Variants in TMCC1 observed in about 807,000 individuals in gnomAD.
TMCC1 encodes the protein transmembrane and coiled-coil domain family 1.
TMCC1 carries 15 observed loss-of-function variants against 52.4 expected under a neutral mutation model. That is an observed-to-expected ratio of 0.29 (90% confidence interval 0.19 to 0.44). TMCC1 has a LOEUF of 0.44. Among genes scored for constraint, TMCC1 ranks in the 20% least tolerant of loss-of-function variants. TMCC1 has a pLI of 1.00. For missense variants in TMCC1, 503 were observed against 806.0 expected (o/e 0.62, Z 4.55); for synonymous variants, 279 against 301.9 (o/e 0.92, Z 0.79).
chr3:129,738,134 G>T (rs2051134345), intron 4 of TMCC1, among the ~76,000 whole-genome samples: 2 of 151,912 alleles, frequency 1.3e-5, no homozygotes, highest in Admixed American at 6.6e-5. Flanking sequence ...AGCCAAGCGT[G>T]GTGGTGGGCA....
chr3:129,858,456 T>C (rs1469504647), intron 2 of TMCC1, among the ~76,000 whole-genome samples: 1 of 152,158 alleles, frequency 6.6e-6, no homozygotes, highest in East Asian at 1.9e-4. Context: ...CTGCAACCTC[T>C]GCCTCCTGGA....
rs563460929 is a variant in TMCC1, at chr3:129,830,539, G to A, written c.-130-2031C>T. Among the ~76,000 whole-genome samples the A allele has an allele frequency of 3.9e-5, 6 of 152,244 alleles. No individual in the cohort carries two copies. In the East Asian group the frequency reaches 5.8e-4, roughly 15 times the overall value. ...ATCAACTCATCTCTTCTTGCACTGG[G>A]CTATTTAGATCCTGAGAAGATGGGA... On this transcript the variant is annotated intron_variant, in intron 3 of 6. Coordinates refer to ENST00000393238, the MANE Select transcript of TMCC1 (RefSeq NM_001017395.5).
intron 4 of TMCC1, among the ~76,000 whole-genome samples, chr3:129,674,673 T>C (rs1329478754): frequency 6.6e-6 from 1 of 152,194 alleles, no homozygotes; most frequent in Admixed American, 6.6e-5. Flanking sequence ...AGTCGTGATA[T>C]ACTCTGAGTT....
intron 5 of TMCC1, among the ~76,000 whole-genome samples, chr3:129,657,049 T>C (rs2086711237): frequency 6.6e-6 from 1 of 152,222 alleles, no homozygotes; most frequent in South Asian, 2.1e-4. Flanking sequence ...CAGAGACTTT[T>C]TTAAAGCCGC....
intron 4 of TMCC1, among the ~76,000 whole-genome samples, chr3:129,746,462 G>GT (rs978610946): frequency 3.3e-5 from 5 of 151,604 alleles, no homozygotes; most frequent in African/African-American, 9.7e-5. Flanking sequence ...TACAGGTTTA[G>GT]TTTTTTTTAA....
chr3:129,832,211 C>T (rs1240995541), intron 3 of TMCC1, among the ~76,000 whole-genome samples: 1 of 152,066 alleles, frequency 6.6e-6, no homozygotes, highest in Non-Finnish European at 1.5e-5. Context: ...ACTGCATAAG[C>T]CTATCAAATG....
chr3:129,696,005 C>T (rs1560209175), intron 4 of TMCC1, among the ~76,000 whole-genome samples: 1 of 152,178 alleles, frequency 6.6e-6, no homozygotes. Flanking sequence ...TATTTCTCTG[C>T]CATATTTTGA....
chr3:129,733,655 T>C (rs1038504672), intron 4 of TMCC1, among the ~76,000 whole-genome samples: 5 of 152,200 alleles, frequency 3.3e-5, no homozygotes, highest in Admixed American at 1.3e-4. Flanking sequence ...TATTCTTGTA[T>C]AGAATTCCTA....
chr3:129,846,042 A>G (rs1232810728), intron 2 of TMCC1, among the ~76,000 whole-genome samples: 1 of 152,158 alleles, frequency 6.6e-6, no homozygotes, highest in Non-Finnish European at 1.5e-5. Context: ...TCAAAAAAAT[A>G]AAAAGAAAAA....
chr3:129,816,304 T>G (rs1365178629), intron 4 of TMCC1, among the ~76,000 whole-genome samples: 1 of 152,218 alleles, frequency 6.6e-6, no homozygotes, highest in African/African-American at 2.4e-5. Flanking sequence ...GCAAGTGCTA[T>G]TCACAATAGC....
At chr3:129,804,587 A>G (rs545108471) in intron 4 of TMCC1, among the ~76,000 whole-genome samples, 1 of 152,372 alleles carries the variant, frequency 6.6e-6, no homozygotes, top group East Asian at 1.9e-4. Flanking sequence ...AAACTAAATT[A>G]AGTAATACTA....
At chr3:129,843,845 G>T (rs1207441277) in intron 2 of TMCC1, among the ~76,000 whole-genome samples, 1 of 145,056 alleles carries the variant, frequency 6.9e-6, no homozygotes, top group Non-Finnish European at 1.5e-5. Flanking sequence ...AAAAGAGAAG[G>T]GAACATTTCC....
chr3:129,876,680 C>T (rs923393717), intron 2 of TMCC1, among the ~76,000 whole-genome samples: 5 of 151,874 alleles, frequency 3.3e-5, no homozygotes, highest in African/African-American at 9.7e-5. Context: ...AAGGGCTGGG[C>T]GCGGTGGCTC....
chr3:129,694,496 T>A (rs765434598), intron 4 of TMCC1, among the ~76,000 whole-genome samples: 1 of 152,220 alleles, frequency 6.6e-6, no homozygotes, highest in Non-Finnish European at 1.5e-5. Flanking sequence ...ACTTCAGGTA[T>A]TCTTAGTCAC....
intron 3 of TMCC1, among the ~76,000 whole-genome samples, chr3:129,831,873 G>C (rs1382979834): frequency 1.3e-5 from 2 of 151,980 alleles, no homozygotes; most frequent in African/African-American, 4.8e-5. Context: ...TATTTATTTA[G>C]AGACAGGGTC....
chr3:129,685,355 C>T (rs73206244), intron 4 of TMCC1, among the ~76,000 whole-genome samples: 7,389 of 149,926 alleles, frequency 0.049, 279 homozygotes, highest in Non-Finnish European at 0.072. Flanking sequence ...CTCCAGCCTG[C>T]GCAACAGAGT....
intron 4 of TMCC1, among the ~76,000 whole-genome samples, chr3:129,809,224 G>GC (rs2057659890): frequency 7.4e-6 from 1 of 135,640 alleles, no homozygotes; most frequent in South Asian, 2.4e-4. Flanking sequence ...TCCAGCCTAG[G>GC]CGACAGACCA....
chr3:129,692,275 T>C (rs2047079835), intron 4 of TMCC1, among the ~76,000 whole-genome samples: 1 of 152,246 alleles, frequency 6.6e-6, no homozygotes, highest in South Asian at 2.1e-4. Context: ...CTAAATTGAA[T>C]CACAATGCTG....
intron 2 of TMCC1, among the ~76,000 whole-genome samples, chr3:129,859,629 C>T (rs1461975448): frequency 6.8e-6 from 1 of 146,314 alleles, no homozygotes. Flanking sequence ...AGAGAGAAAC[C>T]CTGTCTCAAA....
Sources: allele counts gnomAD v4.1 joint callset (sites outside exome capture counted in the v4.1 genomes callset), GRCh38; gene constraint gnomAD v4.1.1; transcripts MANE v1.5; gene names NCBI Gene and HGNC (gene_info 2026-07-23, HGNC 2026-07-21).